The following KLHL32 variants were observed in gnomAD, a reference collection of about 807,000 sequenced individuals.
KLHL32 encodes kelch-like protein 32.
A neutral mutation model predicts 64.8 loss-of-function variants in KLHL32; 35 were observed. The ratio of observed to expected loss-of-function variants is 0.54; its 90% CI spans 0.41 to 0.72. KLHL32 has a LOEUF of 0.72. Ranked by LOEUF, KLHL32 falls within the 30% of genes least tolerant of loss-of-function variation. The pLI, the probability that KLHL32 is intolerant of heterozygous loss-of-function variation, is 0.00. For synonymous variants in KLHL32, 259 were observed against 281.0 expected, an observed-to-expected ratio of 0.92 and a Z score of 0.78; for missense variants, 589 against 768.5, an observed-to-expected ratio of 0.77 and a Z score of 2.76.
chr6:96,966,366 T>C (rs1191410482), intron 1 of KLHL32, among the ~76,000 whole-genome samples: 1 of 152,196 alleles, frequency 6.6e-6, no homozygotes, highest in Non-Finnish European at 1.5e-5. Context: ...AATGAATAAA[T>C]GTGCTTGAAT....
chr6:97,116,245 T>G (rs1378848477), intron 7 of KLHL32, among the ~76,000 whole-genome samples: 3 of 152,252 alleles, frequency 2.0e-5, no homozygotes, highest in Non-Finnish European at 4.4e-5. Context: ...TATATGTAGA[T>G]ATATTTAAAT....
intron 3 of KLHL32, among the ~76,000 whole-genome samples, chr6:97,029,203 G>T (rs948811391): frequency 3.9e-5 from 6 of 152,150 alleles, no homozygotes; most frequent in Admixed American, 3.3e-4. Flanking sequence ...AAGAGGAGGA[G>T]AATTCTAAAC....
the KLHL32 span, chr6:96,914,619 C>T: frequency 1.3e-5 from 2 of 152,184 alleles, no homozygotes; most frequent in Non-Finnish European, 2.9e-5. Flanking sequence ...CCTTTCCTTT[C>T]CATTTCCATG....
intron 3 of KLHL32, among the ~76,000 whole-genome samples, chr6:97,013,613 T>G (rs1780706385): frequency 6.6e-6 from 1 of 152,156 alleles, no homozygotes; most frequent in African/African-American, 2.4e-5. Flanking sequence ...GTTAAGGCAT[T>G]TTGATTCCAT....
chr6:97,012,297 A>G (rs1158088057), intron 3 of KLHL32, among the ~76,000 whole-genome samples: 2 of 152,230 alleles, frequency 1.3e-5, no homozygotes, highest in African/African-American at 4.8e-5. Context: ...GTAACCACAA[A>G]GTCCTAAAGA....
At chr6:97,038,016 C>A (rs1345107218) in intron 3 of KLHL32, among the ~76,000 whole-genome samples, 1 of 152,140 alleles carries the variant, frequency 6.6e-6, no homozygotes, top group Non-Finnish European at 1.5e-5. Context: ...ACACAAAAAT[C>A]AGATCCAAAT....
intron 1 of KLHL32, among the ~76,000 whole-genome samples, chr6:96,951,634 C>G (rs750874539): frequency 3.9e-5 from 6 of 152,022 alleles, no homozygotes; most frequent in Admixed American, 1.3e-4. Flanking sequence ...ATATGCATAC[C>G]AAAACTGGTA....
In KLHL32 at chr6:97,139,993, A is replaced by T. The variant is rs1800506559; in HGVS notation, c.*711A>T. On this transcript the variant is annotated 3_prime_UTR_variant, in exon 11 of 11. Transcript: ENST00000369261. ...ATGAGGATTAGGCGAACACTTTGTAATACTTTGCCCAAGAAAAAGAAAAAT... is the reference window on the plus strand; with the variant it reads ...ATGAGGATTAGGCGAACACTTTGTATTACTTTGCCCAAGAAAAAGAAAAAT... The T allele has an allele frequency of 6.6e-6, 1 of 152,162 alleles. No individual in the cohort carries two copies. Among genetic ancestry groups the T allele is most frequent in the South Asian group, 2.1e-4 (1 of 4,830 alleles). 9.4% of individuals were successfully genotyped at this position (152,162 alleles called of 1,614,324 possible).
At chr6:96,898,880 T>C in the KLHL32 span, among the ~76,000 whole-genome samples, 15 of 152,336 alleles carry the variant, frequency 9.8e-5, no homozygotes, top group African/African-American at 2.9e-4. Flanking sequence ...TCTCTTACTG[T>C]GGCTGCAAAA....
chr6:97,030,806 A>G (rs1183915187), intron 3 of KLHL32, among the ~76,000 whole-genome samples: 2 of 152,190 alleles, frequency 1.3e-5, no homozygotes, highest in Non-Finnish European at 2.9e-5. Context: ...AACACCTTAC[A>G]TGCAGAACAT....
intron 1 of KLHL32, among the ~76,000 whole-genome samples, chr6:96,945,849 G>T (rs529131520): frequency 6.6e-6 from 1 of 152,124 alleles, no homozygotes; most frequent in Non-Finnish European, 1.5e-5. Flanking sequence ...TGGCATTGTT[G>T]TACAGTGTGG....
chr6:97,083,019 C>G (rs966550226), intron 5 of KLHL32, among the ~76,000 whole-genome samples: 9 of 152,210 alleles, frequency 5.9e-5, no homozygotes, highest in Non-Finnish European at 1.3e-4. Flanking sequence ...GTACTTTCCA[C>G]GTGCCAAACT....
chr6:96,989,059 C>G lies in KLHL32; in HGVS notation c.204+12882C>G, dbSNP rs373775275. ...GCATGGCACATGTATACATATGTAA[C>G]AAACCTGCACGTTGTGCACATGTAC... On this transcript the variant is annotated intron_variant, in intron 3 of 10. Coordinates refer to ENST00000369261, the MANE Select transcript of KLHL32 (RefSeq NM_052904.4). Among the ~76,000 whole-genome samples the G allele has an allele frequency of 4.6e-5, 7 of 152,252 alleles. No homozygotes were observed. The East Asian group carries it at 9.6e-4, about 21-fold the overall frequency.
chr6:97,083,733 T>G lies in KLHL32; in HGVS notation c.412-1393T>G, dbSNP rs1042644812. On this transcript the variant is annotated intron_variant, in intron 5 of 10. Transcript: ENST00000369261. Reference sequence around the variant, plus strand: ...TTTCTGAATTTTATGAAATGAGCATTTATTACTTTTTATAACTAGAAATGG... The same window carrying G: ...TTTCTGAATTTTATGAAATGAGCATGTATTACTTTTTATAACTAGAAATGG... Among the ~76,000 whole-genome samples the G allele has an allele frequency of 2.0e-5, 3 of 152,218 alleles. No homozygotes were observed. In the South Asian group the frequency reaches 6.2e-4, roughly 32 times the overall value.
At chr6:97,046,119 A>G (rs1272297821) in intron 4 of KLHL32, among the ~76,000 whole-genome samples, 1 of 152,136 alleles carries the variant, frequency 6.6e-6, no homozygotes. Flanking sequence ...CATCTGTTCA[A>G]ATTGTGTGCT....
intron 1 of KLHL32, among the ~76,000 whole-genome samples, chr6:96,938,365 G>A (rs1241248110): frequency 2.0e-5 from 3 of 152,158 alleles, no homozygotes; most frequent in African/African-American, 7.2e-5. Flanking sequence ...AGAGGGTCCT[G>A]GGGTCCCTGG....
At chr6:96,960,887 C>A (rs1197093238) in intron 1 of KLHL32, among the ~76,000 whole-genome samples, 2 of 152,106 alleles carry the variant, frequency 1.3e-5, no homozygotes, top group African/African-American at 2.4e-5. Context: ...GTCTAAAGAC[C>A]TAGAATCAAC....
chr6:97,127,651 C>G (rs1249872244), intron 8 of KLHL32, among the ~76,000 whole-genome samples, 189 bp downstream of exon 8: 1 of 152,184 alleles, frequency 6.6e-6, no homozygotes, highest in African/African-American at 2.4e-5. Flanking sequence ...AACATTTCAG[C>G]TCCTCTAGTT....
intron 4 of KLHL32, among the ~76,000 whole-genome samples, chr6:97,050,362 G>A (rs1786673570): frequency 6.6e-6 from 1 of 152,126 alleles, no homozygotes; most frequent in South Asian, 2.1e-4. Context: ...CTCACATAAT[G>A]AGGCTTTCTG....
Sources: gnomAD v4.1 joint callset for allele counts (sites outside exome capture counted in the v4.1 genomes callset) on GRCh38, gnomAD v4.1.1 for gene constraint, MANE v1.5 for transcripts, NCBI Gene and HGNC (gene_info 2026-07-23, HGNC 2026-07-21) for gene names.